SASH1: variants seen among roughly 807,000 people sequenced by gnomAD.
SASH1 encodes SAM and SH3 domain containing 1, also known as SAM and SH3 domain-containing protein 1.
A neutral mutation model predicts 125.2 loss-of-function variants in SASH1; 44 were observed. That is an observed-to-expected ratio of 0.35 (90% CI 0.28 to 0.45). The LOEUF is 0.45. Ranked by LOEUF, SASH1 falls within the 20% of genes least tolerant of loss-of-function variation. The pLI, the probability that SASH1 is intolerant of heterozygous loss-of-function variation, is 1.00. For missense variants in SASH1, 1,426 were observed against 1,614.5 expected, an observed-to-expected ratio of 0.88 and a Z score of 2.00; for synonymous variants, 639 against 649.1, an observed-to-expected ratio of 0.98 and a Z score of 0.24.
rs1781659171 is a variant in SASH1, at chr6:148,533,676, C to A, written c.1735-95C>A. On this transcript the variant is annotated intron_variant, in intron 14 of 19. Coordinates refer to ENST00000367467, the MANE Select transcript of SASH1 (RefSeq NM_015278.5). This position sits in a 1 kb window ranked among gnomAD's most constrained non-coding sequence, Gnocchi z 6.2. ...ACCCCGATTCTGGCCTTTGTGGCAT[C>A]TTCACTTCTGCATGACCTGTGTATC... is the stretch of plus-strand genomic sequence containing the variant. The A allele has an allele frequency of 1.7e-5, 21 of 1,210,668 alleles. No individual in the cohort carries two copies. The highest frequency in any genetic ancestry group is 2.4e-5 in the Non-Finnish European group (20 of 848,566). 75.0% of individuals were successfully genotyped at this position (1,210,668 alleles called of 1,614,324 possible).
chr6:148,544,545 C>A lies in SASH1; in HGVS notation c.3075C>A (p.Ser1025Arg), dbSNP rs746075114. ...CATGCCTGCCAGTGAAAAGGGGCAGCCCCGCCAGCCCCACCAGCCCTAGCG... is the reference window on the plus strand; with the variant it reads ...CATGCCTGCCAGTGAAAAGGGGCAGACCCGCCAGCCCCACCAGCCCTAGCG... ...DAPCLPVKRGSPASPTSPSDC... is the reference protein window; with the variant it reads ...DAPCLPVKRGRPASPTSPSDC... Residue 1025 changes from serine to arginine, a missense_variant, in exon 18 of 20, where the codon AGC (serine) becomes AGA (arginine). Coordinates refer to ENST00000367467, the MANE Select transcript of SASH1 (RefSeq NM_015278.5). This position sits in a 1 kb window ranked among gnomAD's most constrained non-coding sequence, Gnocchi z 6.4. The A allele has an allele frequency of 3.1e-6, 5 of 1,612,944 alleles. No individual in the cohort carries two copies. In the African/African-American group the frequency reaches 5.3e-5, roughly 17 times the overall value.
At chr6:148,217,944 G>A in the SASH1 span, among the ~76,000 whole-genome samples, 2 of 151,296 alleles carry the variant, frequency 1.3e-5, no homozygotes, top group Admixed American at 1.3e-4. Flanking sequence ...GAGCTCTGGA[G>A]TTTGAGGCTG....
chr6:148,507,892 G>C (rs1003826574), intron 8 of SASH1, among the ~76,000 whole-genome samples: 1 of 152,198 alleles, frequency 6.6e-6, no homozygotes, highest in Admixed American at 6.5e-5. Context: ...AATGAACTTA[G>C]CCCTGAAAAG....
intron 1 of SASH1, 63 bp downstream of exon 1, chr6:148,343,286 G>C: frequency 6.7e-7 from 1 of 1,498,942 alleles, no homozygotes. Flanking sequence ...TCTGAAACCG[G>C]GGGCTCCCTT....
At position 148,544,122 on chromosome 6, in the gene SASH1, A is replaced by T. The variant is rs1295827427; in HGVS notation, c.2652A>T (p.Gln884His). The change falls in exon 18 of 20, where the codon CAA becomes CAT. Residue 884 changes from glutamine to histidine, a missense_variant. Coordinates refer to ENST00000367467, the MANE Select transcript of SASH1 (RefSeq NM_015278.5). This position sits in a 1 kb window ranked among gnomAD's most constrained non-coding sequence, Gnocchi z 6.4. ...CCACGAAGGCCCAGCCCCTGGAGCA[A>T]GACTCTGCTGTCGACAATGCATTGC... Reference protein sequence around the residue: ...ASSTKAQPLEQDSAVDNALLL... With the variant: ...ASSTKAQPLEHDSAVDNALLL... 1.2e-6 allele frequency: 2 copies of T among 1,614,134 alleles called. No homozygotes were observed.
chr6:148,250,940 C>A, the SASH1 span, among the ~76,000 whole-genome samples: 2 of 152,144 alleles, frequency 1.3e-5, no homozygotes, highest in Admixed American at 1.3e-4. Flanking sequence ...ACATTTGTGC[C>A]TTGTTATGAC....
At chr6:148,390,093 G>C in intron 1 of SASH1, 41 bp from the exon 2 acceptor site, 2 of 1,608,502 alleles carry the variant, frequency 1.2e-6, no homozygotes, top group African/African-American at 1.3e-5. Context: ...GCTTTTCCAG[G>C]GTGGACTGAC....
intron 17 of SASH1, among the ~76,000 whole-genome samples, chr6:148,543,455 C>T (rs1782350418): frequency 6.6e-6 from 1 of 152,154 alleles, no homozygotes; most frequent in African/African-American, 2.4e-5. Flanking sequence ...TAATTTCAGT[C>T]TTCATGATTC....
the SASH1 span, among the ~76,000 whole-genome samples, chr6:148,252,517 C>T: frequency 1.4e-4 from 21 of 147,442 alleles, no homozygotes; most frequent in African/African-American, 3.5e-4. Context: ...CTCGCTTTGT[C>T]GCCCAGGCTG....
chr6:148,426,320 G>A (rs1356172763), intron 2 of SASH1, among the ~76,000 whole-genome samples: 1 of 151,866 alleles, frequency 6.6e-6, no homozygotes, highest in Non-Finnish European at 1.5e-5. Flanking sequence ...GGACCGCTGT[G>A]GGGAAAGGGG....
chr6:148,195,238 A>G, the SASH1 span, among the ~76,000 whole-genome samples: 1 of 152,240 alleles, frequency 6.6e-6, no homozygotes, highest in Admixed American at 6.5e-5. Context: ...GACAAACTAT[A>G]GAAAAATTAA....
chr6:148,309,401 A>T (rs893435490), intron 1 of SASH1, among the ~76,000 whole-genome samples: 5 of 152,106 alleles, frequency 3.3e-5, no homozygotes, highest in Admixed American at 2.0e-4. Flanking sequence ...GCACTAGCTT[A>T]TTTACTCTAG....
intron 2 of SASH1, among the ~76,000 whole-genome samples, chr6:148,390,509 G>A (rs1034790314): frequency 2.6e-5 from 4 of 152,178 alleles, no homozygotes; most frequent in Admixed American, 1.3e-4. Context: ...AGATTTGGCC[G>A]GGCGCTGTGG....
At chr6:148,482,154 T>C (rs964110122) in intron 7 of SASH1, among the ~76,000 whole-genome samples, 3 of 152,312 alleles carry the variant, frequency 2.0e-5, no homozygotes, top group Admixed American at 1.3e-4. Context: ...AATACACTCA[T>C]GTTTAAAGCC....
chr6:148,353,702 T>G (rs1185196748), intron 1 of SASH1, among the ~76,000 whole-genome samples: 1 of 152,136 alleles, frequency 6.6e-6, no homozygotes, highest in East Asian at 1.9e-4. Flanking sequence ...CCCAAAATGC[T>G]GGGATTACAG....
chr6:148,342,971 C>A lies in SASH1; in HGVS notation c.-97C>A. The A allele has an allele frequency of 2.0e-6, 2 of 990,570 alleles. No individual in the cohort carries two copies. Among genetic ancestry groups the A allele is most frequent in the South Asian group, 4.6e-5 (1 of 21,712 alleles). The allele number at this position is 990,570 out of a possible 1,614,324, so 61.4% of individuals were successfully genotyped here. On this transcript the variant is annotated 5_prime_UTR_variant, in exon 1 of 20. Transcript: ENST00000367467. Reference sequence around the variant, plus strand: ...GCGCGGGGGCGCGGCTCGGTGACGCCGCGGGCGGGGACCCGGCATCCGGGC... The same window carrying A: ...GCGCGGGGGCGCGGCTCGGTGACGCAGCGGGCGGGGACCCGGCATCCGGGC...
chr6:148,298,840 GA>G (rs757864786), intron 1 of SASH1, among the ~76,000 whole-genome samples: 1 of 135,056 alleles, frequency 7.4e-6, no homozygotes, highest in Non-Finnish European at 1.6e-5. Flanking sequence ...AGGAAGGAAG[GA>G]AAAAAGGAAG....
At chr6:148,252,730 C>T in the SASH1 span, among the ~76,000 whole-genome samples, 3 of 152,146 alleles carry the variant, frequency 2.0e-5, no homozygotes, top group South Asian at 2.1e-4. Context: ...CCATCCGCCT[C>T]GGCCGCCCAA....
chr6:148,432,278 A>G lies in SASH1; in HGVS notation c.286-7906A>G, dbSNP rs76611655. Among the ~76,000 whole-genome samples, 50 of 152,286 alleles carry G rather than the reference A, an allele frequency of 3.3e-4. 1 individual carries two copies. In the East Asian group the frequency reaches 9.5e-3, roughly 29 times the overall value. ...GCGTGAGCCCCCACGCCTGAGCAAT[A>G]TATACATTTTTAAGTAGAGTTTATC... On this transcript the variant is annotated intron_variant, in intron 2 of 19. Coordinates refer to ENST00000367467, the MANE Select transcript of SASH1 (RefSeq NM_015278.5).
Sources: allele counts gnomAD v4.1 joint callset (sites outside exome capture counted in the v4.1 genomes callset), GRCh38; gene constraint gnomAD v4.1.1; non-coding constraint Gnocchi (gnomAD v3.1); transcripts MANE v1.5; gene names NCBI Gene and HGNC (gene_info 2026-07-23, HGNC 2026-07-21).